Variants in ATXN7L1 observed in about 807,000 individuals in gnomAD.
ATXN7L1 encodes the protein ataxin-7-like protein 1.
ATXN7L1 carries 15 observed loss-of-function variants against 70.8 expected under a neutral mutation model. The ratio of observed to expected loss-of-function variants is 0.21; its 90% CI spans 0.14 to 0.33. ATXN7L1 has a LOEUF of 0.33. Among genes scored for constraint, ATXN7L1 ranks in the 10% least tolerant of loss-of-function variants. ATXN7L1 has a pLI of 1.00. For missense variants in ATXN7L1, 975 were observed against 1,097.1 expected, an observed-to-expected ratio of 0.89 and a Z score of 1.57; for synonymous variants, 440 against 445.1, an observed-to-expected ratio of 0.99 and a Z score of 0.14.
intron 10 of ATXN7L1, 123 bp downstream of exon 10, chr7:105,613,739 G>C: frequency 3.9e-6 from 6 of 1,521,570 alleles, no homozygotes; most frequent in Non-Finnish European, 5.3e-6. Context: ...AACTGCCTTC[G>C]GGGAAAACGA....
chr7:105,845,363 A>G (rs1487669334), intron 2 of ATXN7L1, among the ~76,000 whole-genome samples: 3 of 152,168 alleles, frequency 2.0e-5, no homozygotes, highest in Non-Finnish European at 4.4e-5. Context: ...AGACTTGTAC[A>G]TGGAAACTAT....
At chr7:105,812,064 C>T (rs1193940205) in intron 2 of ATXN7L1, among the ~76,000 whole-genome samples, 2 of 152,150 alleles carry the variant, frequency 1.3e-5, no homozygotes, top group Non-Finnish European at 2.9e-5. Flanking sequence ...TGGACCACCC[C>T]AGGCACAGGG....
At chr7:105,728,620 A>C (rs535667) in intron 3 of ATXN7L1, among the ~76,000 whole-genome samples, 45,231 of 152,058 alleles carry the variant, frequency 0.3, 7,498 homozygotes, top group East Asian at 0.45. Flanking sequence ...AGAAGCAGCA[A>C]CACTCCAGCT....
At chr7:105,748,837 A>G (rs1232936553) in intron 3 of ATXN7L1, among the ~76,000 whole-genome samples, 1 of 152,220 alleles carries the variant, frequency 6.6e-6, no homozygotes, top group Non-Finnish European at 1.5e-5. Flanking sequence ...AGGTGGTCTC[A>G]TGAGGCAGCA....
At chr7:105,706,286 C>T (rs1347738908) in intron 3 of ATXN7L1, among the ~76,000 whole-genome samples, 12 of 150,520 alleles carry the variant, frequency 8.0e-5, no homozygotes, top group Admixed American at 6.0e-4. Context: ...CTCTGCCTCC[C>T]GGGTTCAAGT....
chr7:105,624,334 C>T, intron 7 of ATXN7L1, 67 bp from the exon 8 acceptor site: 1 of 1,298,746 alleles, frequency 7.7e-7, no homozygotes, highest in South Asian at 2.3e-5. Context: ...ACAAGATCCA[C>T]CCAGTTTAAT....
At chr7:105,688,949 T>C (rs1292510937) in intron 3 of ATXN7L1, among the ~76,000 whole-genome samples, 1 of 152,242 alleles carries the variant, frequency 6.6e-6, no homozygotes, top group Non-Finnish European at 1.5e-5. Flanking sequence ...TTAATGTATA[T>C]GTCATGGCTG....
At chr7:105,755,188 T>C (rs1799663686) in intron 3 of ATXN7L1, among the ~76,000 whole-genome samples, 1 of 151,784 alleles carries the variant, frequency 6.6e-6, no homozygotes, top group African/African-American at 2.4e-5. Context: ...ATTAAGGTGT[T>C]TCCTTCTCTA....
intron 4 of ATXN7L1, among the ~76,000 whole-genome samples, chr7:105,657,070 G>T (rs1363889732): frequency 2.0e-5 from 3 of 152,076 alleles, no homozygotes; most frequent in African/African-American, 7.2e-5. Context: ...TAATCTAAGG[G>T]CCACGGTCCA....
At chr7:105,835,533 C>T (rs1014329469) in intron 2 of ATXN7L1, among the ~76,000 whole-genome samples, 1 of 152,064 alleles carries the variant, frequency 6.6e-6, no homozygotes, top group Non-Finnish European at 1.5e-5. Flanking sequence ...AGACCACGCA[C>T]TTGAAATCAG....
intron 7 of ATXN7L1, among the ~76,000 whole-genome samples, chr7:105,630,960 T>A (rs1259585386): frequency 1.3e-5 from 2 of 152,132 alleles, no homozygotes; most frequent in African/African-American, 4.8e-5. Flanking sequence ...TGGACCTTGT[T>A]ATATCTGCAT....
intron 7 of ATXN7L1, among the ~76,000 whole-genome samples, chr7:105,635,889 A>G (rs1284689859): frequency 2.0e-5 from 3 of 151,844 alleles, no homozygotes; most frequent in African/African-American, 7.3e-5. Context: ...TGTAGATGAA[A>G]CATCTATTAT....
intron 3 of ATXN7L1, among the ~76,000 whole-genome samples, chr7:105,705,469 C>T (rs536712207): frequency 2.0e-4 from 31 of 152,176 alleles, no homozygotes; most frequent in Admixed American, 7.2e-4. Context: ...GCCTGCCTTC[C>T]GGTTCTTTTA....
At chr7:105,669,867 C>T (rs925290170) in intron 3 of ATXN7L1, among the ~76,000 whole-genome samples, 3 of 147,800 alleles carry the variant, frequency 2.0e-5, no homozygotes, top group African/African-American at 5.0e-5. Context: ...TGTAGTGAGC[C>T]GAGATCGAAC....
intron 3 of ATXN7L1, among the ~76,000 whole-genome samples, chr7:105,700,864 T>C (rs1792366692): frequency 6.6e-6 from 1 of 152,078 alleles, no homozygotes; most frequent in South Asian, 2.1e-4. Context: ...GCATTTTTTG[T>C]AGAGATGGGG....
rs76843832 is a variant in ATXN7L1, at chr7:105,841,405, G to A, written c.250+34407C>T. 1.6e-3 allele frequency among the ~76,000 whole-genome samples: 247 copies of A among 152,336 alleles called. 6 individuals are homozygous for A. In the East Asian group the frequency reaches 0.046, roughly 28 times the overall value. On this transcript the variant is annotated intron_variant, in intron 2 of 11. Transcript: ENST00000419735. ...CACTTTCCAGTTTTAGTTACATGCA[G>A]CCAATCATGGTCCAAAAATATTAAG...
chr7:105,794,970 C>T (rs997099232), intron 2 of ATXN7L1, among the ~76,000 whole-genome samples: 22 of 152,192 alleles, frequency 1.4e-4, no homozygotes, highest in South Asian at 8.3e-4. Context: ...TGGTACAATT[C>T]CCATTCATGG....
chr7:105,795,343 T>A (rs1805832230), intron 2 of ATXN7L1, among the ~76,000 whole-genome samples: 1 of 152,258 alleles, frequency 6.6e-6, no homozygotes, highest in East Asian at 1.9e-4. Flanking sequence ...CAAAGTCATG[T>A]GTTTATAAAC....
chr7:105,860,128 A>AATATATATATATATATATATATAT (rs1470485018), intron 2 of ATXN7L1, among the ~76,000 whole-genome samples: 1 of 70,798 alleles, frequency 1.4e-5, no homozygotes, highest in Admixed American at 1.7e-4. Context: ...TTTATATGTA[A>AATATATATATATATATATATATAT]ATATATATAT....
Sources: allele counts gnomAD v4.1 joint callset (sites outside exome capture counted in the v4.1 genomes callset), GRCh38; gene constraint gnomAD v4.1.1; transcripts MANE v1.5; gene names NCBI Gene and HGNC (gene_info 2026-07-23, HGNC 2026-07-21).